PFN1: variants seen among roughly 807,000 people sequenced by gnomAD.
The protein encoded by PFN1 is profilin-1.
PFN1 carries 2 observed loss-of-function variants against 11.7 expected under a neutral mutation model. That is an observed-to-expected ratio of 0.17 (90% CI 0.07 to 0.54). PFN1 has a LOEUF of 0.54. PFN1 is among the 20% of genes least tolerant of loss of function. The probability of loss-of-function intolerance (pLI) is 0.94; values close to 1 mark genes in which losing one functional copy is unlikely to be tolerated. For missense variants in PFN1, 97 were observed against 188.4 expected, an observed-to-expected ratio of 0.51 and a Z score of 2.84; for synonymous variants, 78 against 76.2, an observed-to-expected ratio of 1.02 and a Z score of -0.12.
chr17:4,946,989 G>T, intron 1 of PFN1, 169 bp from the exon 2 acceptor site: 1 of 502,304 alleles, frequency 2.0e-6, no homozygotes, highest in Non-Finnish European at 3.4e-6. Flanking sequence ...TCTGAGGACT[G>T]TGGGACGTTA....
At chr17:4,946,118 G>T in intron 2 of PFN1, 121 bp from the exon 3 acceptor site, 1 of 519,012 alleles carries the variant, frequency 1.9e-6, no homozygotes, top group Non-Finnish European at 3.5e-6. Flanking sequence ...CTCCCAACCC[G>T]CCCCCCCACC....
intron 1 of PFN1, among the ~76,000 whole-genome samples, chr17:4,947,699 G>A (rs1369349048): frequency 1.3e-5 from 2 of 152,134 alleles, no homozygotes; most frequent in Non-Finnish European, 2.9e-5. Flanking sequence ...TGGCCTCGCA[G>A]GAATGTTGAA....
chr17:4,947,084 C>A (rs546172874), intron 1 of PFN1: 2 of 312,428 alleles, frequency 6.4e-6, no homozygotes. Flanking sequence ...ATTTAGATGT[C>A]AGTGTTAATG....
chr17:4,945,705 T>C lies in PFN1; in HGVS notation c.*195A>G. On this transcript the variant is annotated 3_prime_UTR_variant, in exon 3 of 3. Coordinates refer to ENST00000225655, the MANE Select transcript of PFN1 (RefSeq NM_005022.4). Reference sequence around the variant, plus strand: ...AAAAAAAACCCCAAAAAACAAAAGTTTTCCAACCACACACGGGAGGGATAT... The same window carrying C: ...AAAAAAAACCCCAAAAAACAAAAGTCTTCCAACCACACACGGGAGGGATAT... 2.1e-6 allele frequency: 1 copy of C among 475,858 alleles called. No homozygotes were observed. The highest frequency in any genetic ancestry group is 3.8e-6 in the Non-Finnish European group (1 of 262,990). 29.5% of individuals were successfully genotyped at this position (475,858 alleles called of 1,614,324 possible).
In PFN1 at chr17:4,946,608, G is replaced by A. The variant is rs747850206; in HGVS notation, c.325+20C>T. ...TTAGAGATCTTGGAGCTAAAGGAAG[G>A]GTAAGACTCAGGAACTCACTCTTGT... On this transcript the variant is annotated intron_variant, in intron 2 of 2. Coordinates refer to ENST00000225655, the MANE Select transcript of PFN1 (RefSeq NM_005022.4). 1 of 1,585,746 alleles carries A rather than the reference G, an allele frequency of 6.3e-7. No homozygotes were observed. The highest frequency in any genetic ancestry group is 8.6e-7 in the Non-Finnish European group (1 of 1,163,586).
Position 4,948,289 on chromosome 17 carries a change from G to A in PFN1, c.106C>T (p.Pro36Ser), listed in dbSNP as rs917383963. ...KDSPSVWAAVPGKTFVNITPA... is the reference protein window; with the variant it reads ...KDSPSVWAAVSGKTFVNITPA... ...GTGATGTTGACGAACGTTTTCCCGG[G>A]GACGGCGGCCCAGACGGAGGGCGAG... The change falls in exon 1 of 3, where the codon CCC becomes TCC. Residue 36 changes from proline to serine, a missense_variant. By Grantham distance (74) the Pro-to-Ser change is moderately conservative. Coordinates refer to ENST00000225655, the MANE Select transcript of PFN1 (RefSeq NM_005022.4). 3 of 1,609,656 alleles carry A rather than the reference G, an allele frequency of 1.9e-6. No individual in the cohort carries two copies. The highest frequency in any genetic ancestry group is 2.5e-6 in the Non-Finnish European group (3 of 1,178,624).
Position 4,947,111 on chromosome 17 carries a change from G to A in PFN1, c.133-291C>T, listed in dbSNP as rs566630910. 5 of 205,428 alleles carry A rather than the reference G, an allele frequency of 2.4e-5. 1 individual carries two copies. The South Asian group carries it at 7.3e-4, about 30-fold the overall frequency. The allele number at this position is 205,428 out of a possible 1,614,324, so 12.7% of individuals were successfully genotyped here. ...GTGTTAATGGGGAAAGTAAACCCAGGAAATAAAGGGAGTCAGTGAGGTAAG... is the reference window on the plus strand; with the variant it reads ...GTGTTAATGGGGAAAGTAAACCCAGAAAATAAAGGGAGTCAGTGAGGTAAG... On this transcript the variant is annotated intron_variant, in intron 1 of 2. Transcript: ENST00000225655.
Position 4,948,440 on chromosome 17 carries a change from G to C in PFN1, c.-46C>G, listed in dbSNP as rs1470119213. 1.9e-6 allele frequency: 3 copies of C among 1,552,170 alleles called. No homozygotes were observed. The highest frequency in any genetic ancestry group is 2.6e-6 in the Non-Finnish European group (3 of 1,154,984). ...TCTCGGCGCTGCTGCTGGGGCCGCG[G>C]ACTGGGCTCGAGCTGCCTCGGCTGG... On this transcript the variant is annotated 5_prime_UTR_variant, in exon 1 of 3. Coordinates refer to ENST00000225655, the MANE Select transcript of PFN1 (RefSeq NM_005022.4).
At chr17:4,948,213 T>C in intron 1 of PFN1, 50 bp downstream of exon 1, 19 of 901,806 alleles carry the variant, frequency 2.1e-5, no homozygotes, top group Admixed American at 2.3e-5. Context: ...AGTCCCTCCC[T>C]CAGGGTCCAA....
rs982043667 is a variant in PFN1, at chr17:4,946,522, C to T, written c.325+106G>A. ...GACAAGGAACACAATACTGGTCTGA[C>T]TCCCTTCATGTTGGGGAATCACACA... On this transcript the variant is annotated intron_variant, in intron 2 of 2. Transcript: ENST00000225655. 19 of 824,980 alleles carry T rather than the reference C, an allele frequency of 2.3e-5. No individual in the cohort carries two copies. The African/African-American group carries it at 3.2e-4, about 14-fold the overall frequency. 51.1% of individuals were successfully genotyped at this position (824,980 alleles called of 1,614,324 possible). A position where few individuals can be genotyped will look rare whatever the true frequency, so the allele number is the denominator to read the frequency against.
chr17:4,946,476 C>A, intron 2 of PFN1, 152 bp downstream of exon 2: 1 of 619,610 alleles, frequency 1.6e-6, no homozygotes, highest in Non-Finnish European at 2.8e-6. Flanking sequence ...GAGGGACTAT[C>A]CCGTGTTCCA....
chr17:4,945,769 C>T lies in PFN1; in HGVS notation c.*131G>A, dbSNP rs1971371533. ...TGTCTGTCCATCCAGCCCTGGCCCCCAGCCCATGTGGTTTTGGCAGCAATA... is the reference window on the plus strand; with the variant it reads ...TGTCTGTCCATCCAGCCCTGGCCCCTAGCCCATGTGGTTTTGGCAGCAATA... On this transcript the variant is annotated 3_prime_UTR_variant, in exon 3 of 3. Coordinates refer to ENST00000225655, the MANE Select transcript of PFN1 (RefSeq NM_005022.4). 1.6e-6 allele frequency: 1 copy of T among 636,896 alleles called. No individual in the cohort carries two copies. Among genetic ancestry groups the T allele is most frequent in the Non-Finnish European group, 2.9e-6 (1 of 342,714 alleles). The allele number at this position is 636,896 out of a possible 1,614,324, so 39.5% of individuals were successfully genotyped here. A position where few individuals can be genotyped will look rare whatever the true frequency, so the allele number is the denominator to read the frequency against.
At chr17:4,946,938 T>C (rs1424164008) in intron 1 of PFN1, 118 bp from the exon 2 acceptor site, 1 of 761,220 alleles carries the variant, frequency 1.3e-6, no homozygotes, top group Non-Finnish European at 2.1e-6. Flanking sequence ...GGGCTAAGTA[T>C]AAATTATATA....
intron 1 of PFN1, among the ~76,000 whole-genome samples, chr17:4,947,725 TG>T (rs16954289): frequency 9.2e-5 from 14 of 151,826 alleles, no homozygotes; most frequent in South Asian, 2.1e-4. Flanking sequence ...CGTGCTGAGC[TG>T]GGGGGGCGTG....
rs2233656 is a variant in PFN1, at chr17:4,946,089, C to T, written c.326-92G>A. On this transcript the variant is annotated intron_variant, in intron 2 of 2. Coordinates refer to ENST00000225655, the MANE Select transcript of PFN1 (RefSeq NM_005022.4). ...TTCAGCAGCTGTCCAGCCCTGGGGG[C>T]TGTAACCCAACCTCATCTCTCCCAA... 65,790 of 918,708 alleles carry T rather than the reference C, an allele frequency of 0.072. 4,917 individuals carry two copies. The highest frequency in any genetic ancestry group is 0.27 in the African/African-American group (16,385 of 60,848). The allele number at this position is 918,708 out of a possible 1,614,324, so 56.9% of individuals were successfully genotyped here.
At chr17:4,948,123 C>G (rs536627685) in intron 1 of PFN1, 140 bp downstream of exon 1, 3 of 981,732 alleles carry the variant, frequency 3.1e-6, no homozygotes, top group Non-Finnish European at 2.8e-6. Context: ...CACGTGCAGC[C>G]GCCATTCGCG....
chr17:4,947,286 TC>T (rs1460691000), intron 1 of PFN1: 1 of 152,622 alleles, frequency 6.6e-6, no homozygotes, highest in Non-Finnish European at 1.5e-5. Context: ...CGCCTGGGTC[TC>T]CAAGTAACCT....
At position 4,946,817 on chromosome 17, in the gene PFN1, C is replaced by G. The variant is rs1971407232; in HGVS notation, c.136G>C (p.Ala46Pro). 1 of 1,611,106 alleles carries G rather than the reference C, an allele frequency of 6.2e-7. No individual in the cohort carries two copies. The highest frequency in any genetic ancestry group is 1.1e-5 in the South Asian group (1 of 90,726). The change falls in exon 2 of 3, where the codon GCT (alanine) becomes CCT (proline). Residue 46 changes from alanine (A) to proline (P), a missense_variant. Coordinates refer to ENST00000225655, the MANE Select transcript of PFN1 (RefSeq NM_005022.4). Reference protein sequence around the residue: ...PGKTFVNITPAEVGVLVGKDR... With the variant: ...PGKTFVNITPPEVGVLVGKDR... ...TTGCCAACCAGGACACCCACCTCAG[C>G]TGGCTGGAAGAGGAACCAAGCGCCC...
In PFN1 at chr17:4,945,712, CCA is replaced by C; in HGVS notation, c.*186_*187del. 2.1e-6 allele frequency: 1 copy of C among 473,324 alleles called. No homozygotes were observed. Among genetic ancestry groups the C allele is most frequent in the Non-Finnish European group, 3.8e-6 (1 of 260,148 alleles). 29.3% of individuals were successfully genotyped at this position (473,324 alleles called of 1,614,324 possible). On this transcript the variant is annotated 3_prime_UTR_variant, in exon 3 of 3. Coordinates refer to ENST00000225655, the MANE Select transcript of PFN1 (RefSeq NM_005022.4). ...ACCCCAAAAAACAAAAGTTTTCCAACCACACACGGGAGGGATATGGGTAGGGG... is the reference window on the plus strand; with the variant it reads ...ACCCCAAAAAACAAAAGTTTTCCAACCACACGGGAGGGATATGGGTAGGGG...
Sources: allele counts gnomAD v4.1 joint callset (sites outside exome capture counted in the v4.1 genomes callset), GRCh38; gene constraint gnomAD v4.1.1; transcripts MANE v1.5; gene names NCBI Gene and HGNC (gene_info 2026-07-23, HGNC 2026-07-21).